SLC1A2: variants seen among roughly 807,000 people sequenced by gnomAD.
SLC1A2 encodes the protein solute carrier family 1 member 2, also known as excitatory amino acid transporter 2.
SLC1A2 carries 15 observed loss-of-function variants against 48.8 expected under a neutral mutation model. The observed-to-expected ratio is 0.31, with a 90% CI of 0.21 to 0.47. The LOEUF is 0.47. SLC1A2 is among the 20% of genes least tolerant of loss of function. SLC1A2 has a pLI of 0.99. For missense variants in SLC1A2, 502 were observed against 730.5 expected (o/e 0.69, Z 3.61); for synonymous variants, 279 against 272.6 (o/e 1.02, Z -0.23).
At chr11:35,300,977 A>G (rs1170308475) in intron 6 of SLC1A2, among the ~76,000 whole-genome samples, 2 of 152,174 alleles carry the variant, frequency 1.3e-5, no homozygotes, top group African/African-American at 2.4e-5. Flanking sequence ...ATGAGCCATG[A>G]TCACACCACT....
chr11:35,290,035 A>G (rs771823469), intron 7 of SLC1A2, among the ~76,000 whole-genome samples: 1 of 152,236 alleles, frequency 6.6e-6, no homozygotes, highest in South Asian at 2.1e-4. Context: ...CTTTTCACCC[A>G]ATAGGACTGG....
At chr11:35,306,907 A>C (rs189430845) in intron 4 of SLC1A2, 1 of 152,252 alleles carries the variant, frequency 6.6e-6, no homozygotes, top group Non-Finnish European at 1.5e-5. Flanking sequence ...CAAATGTACT[A>C]TAAGTACTGT....
chr11:35,269,738 C>A (rs181573975), intron 9 of SLC1A2, among the ~76,000 whole-genome samples: 1 of 152,252 alleles, frequency 6.6e-6, no homozygotes, highest in Non-Finnish European at 1.5e-5. Context: ...CATCAAATCT[C>A]CTTGAATTTG....
intron 1 of SLC1A2, among the ~76,000 whole-genome samples, chr11:35,388,327 C>T (rs1041163025): frequency 2.6e-5 from 4 of 152,174 alleles, no homozygotes; most frequent in South Asian, 2.1e-4. Context: ...TCATCTTTTA[C>T]GGCACTACAT....
chr11:35,260,719 A>G lies in SLC1A2; in HGVS notation c.*175T>C, dbSNP rs1243154323. The G allele has an allele frequency of 1.7e-6, 1 of 600,130 alleles. No homozygotes were observed. The highest frequency in any genetic ancestry group is 3.0e-6 in the Non-Finnish European group (1 of 337,366). 37.2% of individuals were successfully genotyped at this position (600,130 alleles called of 1,614,324 possible). A position where few individuals can be genotyped will look rare whatever the true frequency, so the allele number is the denominator to read the frequency against. ...ATAAAGCATTATTTGGCAAAGACAC[A>G]GCACCGTGCCTGTCATCACTGACTC... is the stretch of plus-strand genomic sequence containing the variant. On this transcript the variant is annotated 3_prime_UTR_variant, in exon 11 of 11. Transcript: ENST00000278379.
chr11:35,284,087 T>C (rs1380403098), intron 8 of SLC1A2, among the ~76,000 whole-genome samples: 2 of 115,898 alleles, frequency 1.7e-5, no homozygotes, highest in East Asian at 2.4e-4. Flanking sequence ...GAAGATTTTA[T>C]TATATATATA....
intron 1 of SLC1A2, among the ~76,000 whole-genome samples, chr11:35,351,787 C>T (rs2135086636): frequency 6.6e-6 from 1 of 152,264 alleles, no homozygotes; most frequent in African/African-American, 2.4e-5. Flanking sequence ...AGGTGCATGC[C>T]ACTACGCCCT....
intron 1 of SLC1A2, among the ~76,000 whole-genome samples, chr11:35,318,594 G>A (rs1486856526): frequency 1.3e-5 from 2 of 152,166 alleles, no homozygotes; most frequent in Non-Finnish European, 2.9e-5. Flanking sequence ...GCAGACCAGT[G>A]TTTTGGAATA....
At chr11:35,398,490 A>C (rs1214339736) in intron 1 of SLC1A2, among the ~76,000 whole-genome samples, 1 of 151,612 alleles carries the variant, frequency 6.6e-6, no homozygotes, top group Non-Finnish European at 1.5e-5. Flanking sequence ...GAAGAGAACA[A>C]CAGACACTGG....
intron 1 of SLC1A2, among the ~76,000 whole-genome samples, chr11:35,340,406 C>G (rs1323198143): frequency 2.6e-5 from 4 of 152,236 alleles, no homozygotes; most frequent in African/African-American, 7.2e-5. Context: ...AGCTCCCTAT[C>G]TGCTTTAGTA....
chr11:35,338,183 TCTACGGTTACTTTTGCA>T (rs372888205), intron 1 of SLC1A2, among the ~76,000 whole-genome samples: 3,883 of 152,276 alleles, frequency 0.025, 154 homozygotes, highest in African/African-American at 0.088. Flanking sequence ...TTACCTATTG[TCTACGGTTACTTTTGCA>T]CTCCAAGAGC....
At chr11:35,295,901 T>A (rs1366980790) in intron 6 of SLC1A2, among the ~76,000 whole-genome samples, 6 of 152,122 alleles carry the variant, frequency 3.9e-5, no homozygotes, top group Non-Finnish European at 8.8e-5. Flanking sequence ...CTGTTAACAA[T>A]TCCCTGGCTT....
intron 1 of SLC1A2, chr11:35,418,699 C>T: frequency 1.9e-6 from 1 of 534,446 alleles, no homozygotes; most frequent in Middle Eastern, 5.0e-4. Context: ...ACTCTCAGGC[C>T]CCCAGCGCAC....
At chr11:35,370,850 G>T in intron 1 of SLC1A2, 1 of 615,936 alleles carries the variant, frequency 1.6e-6, no homozygotes, top group Non-Finnish European at 2.0e-6. Flanking sequence ...CCCAGGCCAA[G>T]AAGAACATGA....
chr11:35,267,467 T>C (rs2134620860), intron 9 of SLC1A2, among the ~76,000 whole-genome samples: 1 of 152,338 alleles, frequency 6.6e-6, no homozygotes, highest in South Asian at 2.1e-4. Context: ...TGATGTATAA[T>C]TTTAATATTA....
intron 1 of SLC1A2, among the ~76,000 whole-genome samples, chr11:35,402,304 C>T (rs1015778353): frequency 2.0e-4 from 30 of 152,058 alleles, no homozygotes; most frequent in African/African-American, 6.3e-4. Flanking sequence ...GTGTTAATCA[C>T]CAATGGTCAA....
chr11:35,303,248 C>T (rs559385192), intron 5 of SLC1A2, among the ~76,000 whole-genome samples: 16 of 152,310 alleles, frequency 1.1e-4, no homozygotes, highest in African/African-American at 3.6e-4. Context: ...ACACCAAGCA[C>T]ATATCAACCC....
At position 35,257,820 on chromosome 11, in the gene SLC1A2, G is replaced by C. The variant is rs537687262; in HGVS notation, c.*3074C>G. ...AGCAAAATGGCATTGCCGAAGCCCT[G>C]ATTTACAGACCTTACAGGATGCAGT... On this transcript the variant is annotated 3_prime_UTR_variant, in exon 11 of 11. Transcript: ENST00000278379. 6.6e-6 allele frequency: 1 copy of C among 152,294 alleles called. No homozygotes were observed. The highest frequency in any genetic ancestry group is 2.4e-5 in the African/African-American group (1 of 41,562). The allele number at this position is 152,294 out of a possible 1,614,324, so 9.4% of individuals were successfully genotyped here.
rs759546019 is a variant in SLC1A2 at position 35,286,887 on chromosome 11, T to A, written c.1156A>T (p.Thr386Ser). Residue 386 changes from threonine (T) to serine (S), a missense_variant, in exon 8 of 11, where the codon ACT becomes TCT. Physicochemically the swap from Thr to Ser is moderately conservative, Grantham distance 58. Around this residue, in one of 4 missense-constraint regions of SLC1A2, gnomAD observed 309 missense variants for 480.3 expected, o/e 0.64. Transcript: ENST00000278379. Reference sequence around the variant, plus strand: ...GCTCCAACAGGAAGGACGAATCTAGTCACACGCTTATCAATCCCCAGATTT... The same window carrying A: ...GCTCCAACAGGAAGGACGAATCTAGACACACGCTTATCAATCCCCAGATTT... ...EENLGIDKRVTRFVLPVGATI... is the reference protein window; with the variant it reads ...EENLGIDKRVSRFVLPVGATI... 1 of 1,614,028 alleles carries A rather than the reference T, an allele frequency of 6.2e-7. No individual in the cohort carries two copies. The highest frequency in any genetic ancestry group is 8.5e-7 in the Non-Finnish European group (1 of 1,179,946).
Sources: gnomAD v4.1 joint callset for allele counts (sites outside exome capture counted in the v4.1 genomes callset) on GRCh38, gnomAD v4.1.1 for gene constraint, gnomAD v4.1.1 regional missense constraint, MANE v1.5 for transcripts, NCBI Gene and HGNC (gene_info 2026-07-23, HGNC 2026-07-21) for gene names.